ALG13: variants seen among roughly 807,000 people sequenced by gnomAD.
ALG13 encodes UDP-N-acetylglucosamine transferase subunit ALG13.
ALG13 carries 11 observed loss-of-function variants against 87.8 expected under a neutral mutation model. The observed-to-expected ratio is 0.13, with a 90% CI of 0.08 to 0.21. The LOEUF (loss-of-function observed/expected upper bound fraction) is 0.21. Among genes scored for constraint, ALG13 ranks in the 10% least tolerant of loss-of-function variants. The probability of loss-of-function intolerance (pLI) is 1.00; values close to 1 mark genes in which losing one functional copy is unlikely to be tolerated. For synonymous variants in ALG13, 320 were observed against 306.3 expected, an observed-to-expected ratio of 1.04 and a Z score of -0.47; for missense variants, 756 against 866.1, an observed-to-expected ratio of 0.87 and a Z score of 1.60.
chrX:111,682,466 C>G (rs1036176111), intron 2 of ALG13, among the ~76,000 whole-genome samples, 172 bp downstream of exon 2: 1 of 111,987 alleles, frequency 8.9e-6, no homozygotes, highest in African/African-American at 3.3e-5. Context: ...TATCCTGATG[C>G]TCTCCCTCCA....
intron 11 of ALG13, 37 bp downstream of exon 11, chrX:111,720,207 T>A: frequency 9.9e-7 from 1 of 1,008,774 alleles, no homozygotes; most frequent in Non-Finnish European, 1.3e-6. Context: ...TTTCATAGTC[T>A]TGGCTTGCAG....
rs746011501 is a variant in ALG13, at chrX:111,735,092, C to T, written c.2499C>T (p.Asp833=). The T allele has an allele frequency of 8.4e-7, 1 of 1,193,410 alleles. No individual in the cohort carries two copies. The highest frequency in any genetic ancestry group is 1.8e-5 in the South Asian group (1 of 55,898). The part of the protein sequence containing the change: ...DRKSCSMSPQ[D]TVTSYNYPQK... ...AGTCATGTTCTATGTCTCCTCAGGACACAGTTACCTCATACAACTACCCCC... is the reference window on the plus strand; with the variant it reads ...AGTCATGTTCTATGTCTCCTCAGGATACAGTTACCTCATACAACTACCCCC... Residue 833 remains aspartate (D), a synonymous_variant, in exon 22 of 27, where the codon GAC becomes GAT. Transcript: ENST00000394780.
At chrX:111,728,451 C>T in intron 19 of ALG13, 146 bp downstream of exon 19, 1 of 676,200 alleles carries the variant, frequency 1.5e-6, no homozygotes, top group Non-Finnish European at 2.2e-6. Flanking sequence ...TTAATGCTTG[C>T]TGGGTTTTTG....
At chrX:111,681,566 G>GC (rs1276663850) in intron 1 of ALG13, 61 of 949,801 alleles carry the variant, frequency 6.4e-5, no homozygotes, top group Non-Finnish European at 7.7e-5. Flanking sequence ...TTTCCGGTCT[G>GC]CCCCCGCGCT....
At chrX:111,688,247 T>G in intron 3 of ALG13, 1 of 770,068 alleles carries the variant, frequency 1.3e-6, no homozygotes, top group Non-Finnish European at 1.5e-6. Context: ...ACAGGTTTTC[T>G]CCTAGAATCT....
intron 24 of ALG13, among the ~76,000 whole-genome samples, chrX:111,748,622 C>T (rs1944447577): frequency 8.9e-6 from 1 of 111,817 alleles, no homozygotes; most frequent in African/African-American, 3.2e-5. Flanking sequence ...GAGTTGCAGA[C>T]GTTCTCTGCA....
At chrX:111,706,155 A>T (rs1180481893) in intron 3 of ALG13, among the ~76,000 whole-genome samples, 2 of 108,499 alleles carry the variant, frequency 1.8e-5, no homozygotes, top group Non-Finnish European at 3.8e-5. Context: ...TCAGCCTCCC[A>T]AGTAGCTGGG....
At chrX:111,739,321 C>T (rs1287468819) in intron 23 of ALG13, among the ~76,000 whole-genome samples, 1 of 112,097 alleles carries the variant, frequency 8.9e-6, no homozygotes, top group Non-Finnish European at 1.9e-5. Context: ...CACCTCCCAC[C>T]AGGTCTGTCC....
chrX:111,722,172 T>A (rs775202002), intron 12 of ALG13, among the ~76,000 whole-genome samples: 15 of 112,160 alleles, frequency 1.3e-4, no homozygotes, highest in Non-Finnish European at 2.6e-4. Flanking sequence ...AATTATATAA[T>A]TCAAATTTCA....
At chrX:111,756,383 A>C (rs148643184) in intron 25 of ALG13, among the ~76,000 whole-genome samples, 2,537 of 111,631 alleles carry the variant, frequency 0.023, 64 homozygotes, top group African/African-American at 0.079. Context: ...CATGTTCTGC[A>C]TGTGTATCCC....
chrX:111,744,618 T>G (rs1376526503), intron 23 of ALG13, 50 bp from the exon 24 acceptor site: 5 of 1,124,111 alleles, frequency 4.4e-6, no homozygotes, highest in Non-Finnish European at 5.9e-6. Context: ...CTACTGTTCA[T>G]AAGGTGTTAT....
intron 24 of ALG13, among the ~76,000 whole-genome samples, chrX:111,751,859 C>T (rs1000725875): frequency 1.1e-5 from 1 of 89,174 alleles, no homozygotes; most frequent in African/African-American, 4.3e-5. Flanking sequence ...GATCTCAGGT[C>T]AAACAATAAA....
intron 12 of ALG13, among the ~76,000 whole-genome samples, chrX:111,722,312 C>A (rs910262576): frequency 9.0e-6 from 1 of 111,458 alleles, no homozygotes; most frequent in Non-Finnish European, 1.9e-5. Context: ...TGTTTCTCTC[C>A]TTATAAGATA....
intron 2 of ALG13, among the ~76,000 whole-genome samples, chrX:111,682,977 TGTGAAGAAAG>T (rs903495872): frequency 2.7e-5 from 3 of 111,281 alleles, no homozygotes; most frequent in African/African-American, 9.8e-5. Context: ...TTTTGACTGT[TGTGAAGAAAG>T]GTGTTTCGTT....
In ALG13 at chrX:111,759,950, G is replaced by A. The variant is rs779495912; in HGVS notation, c.3365G>A (p.Cys1122Tyr). Residue 1122 changes from cysteine (C) to tyrosine (Y), a missense_variant, in exon 27 of 27, where the codon TGT (cysteine) becomes TAT (tyrosine). Transcript: ENST00000394780. ...GCTATAAATCCTGGGCCAATTGGCT[G>A]TATTGCTCCATCTCCCCCAGCTTCT... is the stretch of plus-strand genomic sequence containing the variant. Reference protein sequence around the residue: ...HGAINPGPIGCIAPSPPASHY... With the variant: ...HGAINPGPIGYIAPSPPASHY... The A allele has an allele frequency of 1.7e-6, 2 of 1,210,821 alleles. No individual in the cohort carries two copies. The highest frequency in any genetic ancestry group is 2.2e-6 in the Non-Finnish European group (2 of 895,100).
intron 3 of ALG13, among the ~76,000 whole-genome samples, chrX:111,696,982 C>CTTT (rs55888261): frequency 1.1e-4 from 8 of 74,153 alleles, no homozygotes; most frequent in African/African-American, 3.8e-4. Context: ...TGGTTCTTAC[C>CTTT]TTTTTTTTTT....
At chrX:111,719,286 A>G (rs986208743) in intron 10 of ALG13, among the ~76,000 whole-genome samples, 1 of 110,759 alleles carries the variant, frequency 9.0e-6, no homozygotes, top group East Asian at 2.9e-4. Flanking sequence ...CGGCCTCCCA[A>G]AGTGCTGGGA....
At chrX:111,738,831 C>G (rs1315073287) in intron 23 of ALG13, among the ~76,000 whole-genome samples, 1 of 104,592 alleles carries the variant, frequency 9.6e-6, no homozygotes, top group Non-Finnish European at 2.0e-5. Flanking sequence ...GCCACCACAC[C>G]CGGCCATAAA....
intron 25 of ALG13, among the ~76,000 whole-genome samples, chrX:111,753,317 T>C (rs1479373147): frequency 8.9e-6 from 1 of 111,890 alleles, no homozygotes; most frequent in Non-Finnish European, 1.9e-5. Flanking sequence ...AGAGGGAAAT[T>C]TATAGCACTA....
Sources: allele counts gnomAD v4.1 joint callset (sites outside exome capture counted in the v4.1 genomes callset), GRCh38; gene constraint gnomAD v4.1.1; transcripts MANE v1.5; gene names NCBI Gene and HGNC (gene_info 2026-07-23, HGNC 2026-07-21).